Variants in AP4S1 observed in about 807,000 individuals in gnomAD.
The protein encoded by AP4S1 is adaptor related protein complex 4 subunit sigma 1, also known as AP-4 complex subunit sigma-1.
A neutral mutation model predicts 19.8 loss-of-function variants in AP4S1; 23 were observed. The observed-to-expected ratio is 1.16, with a 90% CI of 0.84 to 1.65. The LOEUF is 1.65. Among genes scored for constraint, AP4S1 ranks in the 40% most tolerant of loss-of-function variants. The pLI, the probability that AP4S1 is intolerant of heterozygous loss-of-function variation, is 0.00. For missense variants in AP4S1, 166 were observed against 172.8 expected (o/e 0.96, Z 0.22); for synonymous variants, 46 against 54.1 (o/e 0.85, Z 0.66).
chr14:31,044,409 G>T (rs925153603), intron 1 of AP4S1, among the ~76,000 whole-genome samples: 1 of 151,864 alleles, frequency 6.6e-6, no homozygotes, highest in Non-Finnish European at 1.5e-5. Context: ...TGGCATAATC[G>T]TAGATTACTG....
At chr14:31,056,445 G>A (rs1395151232) in intron 1 of AP4S1, among the ~76,000 whole-genome samples, 1 of 151,520 alleles carries the variant, frequency 6.6e-6, no homozygotes, top group African/African-American at 2.4e-5. Context: ...TGCAACCTCC[G>A]CCTCCTGGGT....
chr14:31,053,231 G>A (rs151011057), intron 1 of AP4S1, among the ~76,000 whole-genome samples: 9 of 152,208 alleles, frequency 5.9e-5, no homozygotes, highest in Admixed American at 4.6e-4. Context: ...ATGAGCCACC[G>A]CGTCCGGCCT....
At chr14:31,060,824 C>T (rs949357998) in intron 1 of AP4S1, among the ~76,000 whole-genome samples, 4 of 152,062 alleles carry the variant, frequency 2.6e-5, no homozygotes, top group Admixed American at 6.6e-5. Context: ...TGGGATGACA[C>T]ATGAATAAAG....
At position 31,095,871 on chromosome 14, in the gene AP4S1, G is replaced by A. The variant is rs1211857735; in HGVS notation, c.*2836G>A. 6.6e-6 allele frequency: 1 copy of A among 151,846 alleles called. No individual in the cohort carries two copies. The highest frequency in any genetic ancestry group is 6.6e-5 in the Admixed American group (1 of 15,224). 9.4% of individuals were successfully genotyped at this position (151,846 alleles called of 1,614,324 possible). A position where few individuals can be genotyped will look rare whatever the true frequency, so the allele number is the denominator to read the frequency against. On this transcript the variant is annotated 3_prime_UTR_variant, in exon 6 of 6. Transcript: ENST00000542754. Reference sequence around the variant, plus strand: ...CGCCAAGGTGGGTAGATCATTTGAGGTCAGGAGTTCAAGACCAGCTTGGCC... The same window carrying A: ...CGCCAAGGTGGGTAGATCATTTGAGATCAGGAGTTCAAGACCAGCTTGGCC...
intron 5 of AP4S1, among the ~76,000 whole-genome samples, chr14:31,088,722 C>T (rs939606159): frequency 4.0e-5 from 6 of 148,742 alleles, no homozygotes; most frequent in African/African-American, 1.0e-4. Flanking sequence ...GCGGGAGGAT[C>T]GCTTGAACCT....
intron 1 of AP4S1, among the ~76,000 whole-genome samples, chr14:31,058,517 C>CTGTGTGTGTGTGTGTGTGTGTG (rs1241249693): frequency 2.9e-5 from 4 of 139,370 alleles, no homozygotes; most frequent in African/African-American, 8.1e-5. Flanking sequence ...TTCCCCATCT[C>CTGTGTGTGTGTGTGTGTGTGTG]TGTGTGTGTA....
chr14:31,043,686 G>A (rs1237839247), intron 1 of AP4S1, among the ~76,000 whole-genome samples: 2 of 152,268 alleles, frequency 1.3e-5, no homozygotes, highest in South Asian at 2.1e-4. Context: ...TAAATTTTGA[G>A]GCAAAGAAAC....
rs1180684441 is a variant in AP4S1 at position 31,051,179 on chromosome 14, C to G, written c.-71-14947C>G. On this transcript the variant is annotated intron_variant, in intron 1 of 5. Transcript: ENST00000542754. ...GCTGCGACAGGAAGATCCCTTGAGC[C>G]CAGGGAGTCAAGGCTGCAGTGAGCC... 3.3e-5 allele frequency among the ~76,000 whole-genome samples: 5 copies of G among 151,628 alleles called. No individual in the cohort carries two copies. In the Admixed American group the frequency reaches 3.3e-4, roughly 10 times the overall value.
chr14:31,092,351 G>A, intron 5 of AP4S1, among the ~76,000 whole-genome samples: 1 of 152,204 alleles, frequency 6.6e-6, no homozygotes, highest in East Asian at 1.9e-4. Context: ...CCTATAAGCA[G>A]AGCAGTCAAG....
chr14:31,034,310 A>G (rs1265628995), intron 1 of AP4S1, among the ~76,000 whole-genome samples: 5 of 152,234 alleles, frequency 3.3e-5, no homozygotes, highest in Admixed American at 2.6e-4. Flanking sequence ...TAGAAAGTAC[A>G]TGACAATTAT....
At chr14:31,047,554 G>A (rs1236926457) in intron 1 of AP4S1, among the ~76,000 whole-genome samples, 1 of 151,870 alleles carries the variant, frequency 6.6e-6, no homozygotes, top group Non-Finnish European at 1.5e-5. Context: ...ACAATGCCTG[G>A]CTAATTTTTT....
intron 2 of AP4S1, 63 bp from the exon 3 acceptor site, chr14:31,069,780 C>T (rs1207900590): frequency 1.6e-6 from 2 of 1,212,330 alleles, no homozygotes; most frequent in East Asian, 4.7e-5. Context: ...AGAACTTACG[C>T]ATGTCATTTT....
chr14:31,063,956 C>T (rs536440122), intron 1 of AP4S1, among the ~76,000 whole-genome samples: 7 of 152,264 alleles, frequency 4.6e-5, no homozygotes, highest in South Asian at 4.1e-4. Context: ...TATCACAAAA[C>T]GTGAATACAA....
Position 31,061,773 on chromosome 14 carries a change from G to C in AP4S1, c.-71-4353G>C, listed in dbSNP as rs979408217. On this transcript the variant is annotated intron_variant, in intron 1 of 5. Coordinates refer to ENST00000542754, the MANE Select transcript of AP4S1 (RefSeq NM_001128126.3). Reference sequence around the variant, plus strand: ...TTCTCCTGTCTCAGCCTCCTGAGTAGCTGGGACTACAGGTGCATGCCACCA... The same window carrying C: ...TTCTCCTGTCTCAGCCTCCTGAGTACCTGGGACTACAGGTGCATGCCACCA... Among the ~76,000 whole-genome samples, 4 of 152,044 alleles carry C rather than the reference G, an allele frequency of 2.6e-5. No individual in the cohort carries two copies. The East Asian group carries it at 7.7e-4, about 29-fold the overall frequency.
chr14:31,089,125 A>T (rs796603734), intron 5 of AP4S1, among the ~76,000 whole-genome samples: 13 of 148,632 alleles, frequency 8.7e-5, no homozygotes, highest in African/African-American at 2.7e-4. Context: ...GTGCCACTGC[A>T]CTCCAGCCTG....
At chr14:31,068,332 TG>T (rs1372977396) in intron 2 of AP4S1, among the ~76,000 whole-genome samples, 5 of 152,380 alleles carry the variant, frequency 3.3e-5, no homozygotes, top group African/African-American at 1.2e-4. Flanking sequence ...CATAATGGGC[TG>T]CCTGTGAGCA....
chr14:31,086,821 C>T (rs534686631), intron 5 of AP4S1, among the ~76,000 whole-genome samples: 6 of 152,098 alleles, frequency 3.9e-5, no homozygotes, highest in Non-Finnish European at 7.4e-5. Flanking sequence ...GAGAAACCTA[C>T]ACAATCATCA....
chr14:31,030,300 C>T (rs892271391), intron 1 of AP4S1, among the ~76,000 whole-genome samples: 1 of 152,202 alleles, frequency 6.6e-6, no homozygotes, highest in Non-Finnish European at 1.5e-5. Context: ...CATCTGTGTA[C>T]TGATCAGTAA....
chr14:31,086,843 C>T (rs188838406), intron 5 of AP4S1, among the ~76,000 whole-genome samples: 118 of 152,158 alleles, frequency 7.8e-4, no homozygotes, highest in African/African-American at 2.7e-3. Context: ...GTAAAAACCT[C>T]ACTTTTAAAA....
Sources: allele counts gnomAD v4.1 joint callset (sites outside exome capture counted in the v4.1 genomes callset), GRCh38; gene constraint gnomAD v4.1.1; transcripts MANE v1.5; gene names NCBI Gene and HGNC (gene_info 2026-07-23, HGNC 2026-07-21).